RUNX1T1: variants seen among roughly 807,000 people sequenced by gnomAD.
The protein encoded by RUNX1T1 is RUNX1 partner transcriptional co-repressor 1.
RUNX1T1 carries 4 observed loss-of-function variants against 62.8 expected under a neutral mutation model. The ratio of observed to expected loss-of-function variants is 0.06; its 90% CI spans 0.03 to 0.15. The LOEUF (loss-of-function observed/expected upper bound fraction) is 0.15. Among genes scored for constraint, RUNX1T1 ranks in the 10% least tolerant of loss-of-function variants. The pLI is 1.00. For synonymous variants in RUNX1T1, 291 were observed against 286.0 expected, an observed-to-expected ratio of 1.02 and a Z score of -0.18; for missense variants, 508 against 754.3, an observed-to-expected ratio of 0.67 and a Z score of 3.82.
intron 8 of RUNX1T1, among the ~76,000 whole-genome samples, chr8:91,982,062 C>T (rs1187096519): frequency 3.3e-5 from 5 of 151,346 alleles, no homozygotes; most frequent in African/African-American, 7.3e-5. Context: ...CTGGGCAATA[C>T]GGCAAAACCC....
At chr8:92,091,454 A>G (rs940580163) in intron 1 of RUNX1T1, among the ~76,000 whole-genome samples, 4 of 152,190 alleles carry the variant, frequency 2.6e-5, no homozygotes, top group Non-Finnish European at 5.9e-5. Flanking sequence ...CTTTACCAGT[A>G]GTTCTGATGT....
chr8:91,970,459 T>A (rs757475002), intron 10 of RUNX1T1, among the ~76,000 whole-genome samples, 199 bp downstream of exon 11: 9 of 152,186 alleles, frequency 5.9e-5, no homozygotes, highest in Non-Finnish European at 1.2e-4. Context: ...TTCAAAACCT[T>A]TTTTGGCAAA....
intron 1 of RUNX1T1, among the ~76,000 whole-genome samples, chr8:92,098,442 AAT>A (rs1304016617): frequency 3.3e-5 from 5 of 152,258 alleles, no homozygotes; most frequent in Non-Finnish European, 5.9e-5. Context: ...TGCATTTCAG[AAT>A]ATCATAATAT....
chr8:92,062,740 A>G, exon 1 of RUNX1T1: 1 of 1,571,278 alleles, frequency 6.4e-7, no homozygotes, highest in Non-Finnish European at 8.6e-7. Context: ...GAGAGCTGAC[A>G]CTCCGGATTG....
At chr8:92,087,348 T>C (rs1394497773) in intron 1 of RUNX1T1, among the ~76,000 whole-genome samples, 1 of 151,574 alleles carries the variant, frequency 6.6e-6, no homozygotes, top group Admixed American at 6.6e-5. Flanking sequence ...GCAGCCACAG[T>C]ATTAATTTAT....
At chr8:92,011,448 C>G (rs1341471250) in intron 3 of RUNX1T1, among the ~76,000 whole-genome samples, 1 of 152,166 alleles carries the variant, frequency 6.6e-6, no homozygotes, top group Non-Finnish European at 1.5e-5. Context: ...AAAAGCATAA[C>G]AGATCACTTA....
At chr8:92,014,342 A>C (rs1268908323) in intron 3 of RUNX1T1, among the ~76,000 whole-genome samples, 2 of 152,162 alleles carry the variant, frequency 1.3e-5, no homozygotes, top group African/African-American at 4.8e-5. Flanking sequence ...TATAACAATA[A>C]ATTTGTATAA....
At chr8:92,079,883 C>A (rs771655917) in intron 1 of RUNX1T1, among the ~76,000 whole-genome samples, 1 of 152,080 alleles carries the variant, frequency 6.6e-6, no homozygotes, top group African/African-American at 2.4e-5. Flanking sequence ...GACTGCTGCA[C>A]GGCCAGTTCT....
chr8:92,035,092 C>T (rs1010200810), intron 1 of RUNX1T1, among the ~76,000 whole-genome samples: 2 of 151,760 alleles, frequency 1.3e-5, no homozygotes, highest in African/African-American at 4.8e-5. Flanking sequence ...GTCAGGAGTT[C>T]GAGACCAGCC....
chr8:92,027,033 G>A (rs1373704126), intron 1 of RUNX1T1, among the ~76,000 whole-genome samples: 4 of 149,290 alleles, frequency 2.7e-5, no homozygotes, highest in African/African-American at 9.8e-5. Flanking sequence ...GGAGAATGGC[G>A]TGAACCCGGG....
chr8:92,026,579 T>C (rs935290846), intron 1 of RUNX1T1, among the ~76,000 whole-genome samples: 5 of 152,208 alleles, frequency 3.3e-5, no homozygotes, highest in African/African-American at 1.2e-4. Context: ...CCCAGTACTT[T>C]GGGAGGCTGA....
At chr8:92,017,262 C>T in exon 2 of RUNX1T1, 1 of 1,613,934 alleles carries the variant, frequency 6.2e-7, no homozygotes, top group Non-Finnish European at 8.5e-7. Context: ...CTTGGAGCTC[C>T]TTGAGTAGTT....
intron 5 of RUNX1T1, among the ~76,000 whole-genome samples, chr8:92,002,345 A>G (rs994711815): frequency 1.3e-5 from 2 of 152,142 alleles, no homozygotes; most frequent in Admixed American, 6.5e-5. Flanking sequence ...CAAAAAACAA[A>G]AAACAAAAAA....
At chr8:91,991,046 C>A (rs1817572604) in intron 6 of RUNX1T1, among the ~76,000 whole-genome samples, 1 of 152,162 alleles carries the variant, frequency 6.6e-6, no homozygotes, top group Non-Finnish European at 1.5e-5. Flanking sequence ...ACTTCTTCTT[C>A]AGTATTCTGA....
chr8:92,092,734 C>T (rs1289825198), intron 1 of RUNX1T1, among the ~76,000 whole-genome samples: 3 of 152,178 alleles, frequency 2.0e-5, no homozygotes, highest in Admixed American at 6.5e-5. Flanking sequence ...CTATGGAAAC[C>T]TCTTTTATAG....
rs778036161 is a variant in RUNX1T1 at position 92,017,363 on chromosome 8, T to C, written c.8A>G (p.Asp3Gly). 6 of 1,614,006 alleles carry C rather than the reference T, an allele frequency of 3.7e-6. No individual in the cohort carries two copies. In the South Asian group the frequency reaches 5.5e-5, roughly 15 times the overall value. Residue 3 changes from aspartate to glycine, a missense_variant and splice_region_variant, in exon 2 of 11, where the codon GAT becomes GGT. Asp to Gly is a moderately conservative substitution (Grantham distance 94). Transcript: ENST00000396218. ...CATTGTGGAGTGCTTCTCAGTACGA[T>C]CTGGAGGATGCCACCAGGAACATAT... is the stretch of plus-strand genomic sequence containing the variant.
At position 91,959,449 on chromosome 8, in the gene RUNX1T1, T is replaced by C. The variant is rs71504355; in HGVS notation, c.*793A>G. 6.1e-3 allele frequency: 717 copies of C among 118,456 alleles called. 11 individuals carry two copies. The highest frequency in any genetic ancestry group is 0.018 in the South Asian group (34 of 1,926). 7.3% of individuals were successfully genotyped at this position (118,456 alleles called of 1,614,324 possible). On this transcript the variant is annotated 3_prime_UTR_variant, in exon 11 of 11. Coordinates refer to ENST00000396218, the Ensembl canonical transcript of RUNX1T1. ...GTGTGTGTGTGTGTGTGTGTGTGTGTGTGTGTGTGTGTGTGTGTATATGTG... is the reference window on the plus strand; with the variant it reads ...GTGTGTGTGTGTGTGTGTGTGTGTGCGTGTGTGTGTGTGTGTGTATATGTG...
At chr8:92,019,694 T>G (rs914835714) in intron 1 of RUNX1T1, among the ~76,000 whole-genome samples, 11 of 152,196 alleles carry the variant, frequency 7.2e-5, no homozygotes, top group African/African-American at 2.4e-4. Context: ...AAAAATAAAC[T>G]ATAAATTTGA....
chr8:92,060,549 A>G (rs201358673), intron 1 of RUNX1T1, among the ~76,000 whole-genome samples: 2,089 of 106,910 alleles, frequency 0.02, 59 homozygotes, highest in African/African-American at 0.067. Flanking sequence ...ATATATATAT[A>G]TATATGTGTG....
Sources: allele counts gnomAD v4.1 joint callset (sites outside exome capture counted in the v4.1 genomes callset), GRCh38; gene constraint gnomAD v4.1.1; transcripts MANE v1.5; gene names NCBI Gene and HGNC (gene_info 2026-07-23, HGNC 2026-07-21).